PCDHA2: variants seen among roughly 807,000 people sequenced by gnomAD.
The protein encoded by PCDHA2 is protocadherin alpha 2.
In PCDHA2, 58 loss-of-function variants were observed where a neutral mutation model predicts 66.0. That is an observed-to-expected ratio of 0.88 (90% CI 0.71 to 1.09). The LOEUF is 1.09. Ranked by LOEUF, PCDHA2 falls within the 50% of genes least tolerant of loss-of-function variation. The pLI is 0.00. For missense variants in PCDHA2, 1,267 were observed against 1,242.3 expected, an observed-to-expected ratio of 1.02 and a Z score of -0.30; for synonymous variants, 634 against 554.0, an observed-to-expected ratio of 1.14 and a Z score of -2.03.
intron 1 of PCDHA2, chr5:140,843,825 C>T: frequency 8.4e-7 from 1 of 1,188,044 alleles, no homozygotes; most frequent in Non-Finnish European, 1.2e-6. Flanking sequence ...AAAATTTAAA[C>T]ATTGTTTAGT....
chr5:140,869,973 C>G, intron 1 of PCDHA2: 2 of 1,613,100 alleles, frequency 1.2e-6, no homozygotes, highest in African/African-American at 1.3e-5. Flanking sequence ...ATGGAAGACA[C>G]TTATTTACAC....
intron 1 of PCDHA2, among the ~76,000 whole-genome samples, chr5:140,950,613 A>G (rs980395914): frequency 3.3e-5 from 5 of 152,064 alleles, no homozygotes; most frequent in African/African-American, 1.2e-4. Context: ...TGATGTGCTT[A>G]TTTATGCTTT....
intron 1 of PCDHA2, chr5:140,849,802 G>A (rs2041146387): frequency 6.3e-7 from 1 of 1,598,478 alleles, no homozygotes; most frequent in Non-Finnish European, 8.6e-7. Flanking sequence ...CCTTCACTGT[G>A]GGCCACGGCC....
chr5:140,899,407 T>C (rs1183210224), intron 1 of PCDHA2, among the ~76,000 whole-genome samples: 2 of 152,226 alleles, frequency 1.3e-5, no homozygotes, highest in Non-Finnish European at 2.9e-5. Context: ...TGAAGGGTTG[T>C]TGAATTTTGT....
intron 1 of PCDHA2, chr5:140,802,487 G>C: frequency 1.2e-6 from 2 of 1,614,168 alleles, no homozygotes; most frequent in South Asian, 2.2e-5. Context: ...CTCGGGACGG[G>C]GGCTCGCCTT....
At chr5:140,909,045 G>A (rs1407145935) in intron 1 of PCDHA2, among the ~76,000 whole-genome samples, 1 of 152,112 alleles carries the variant, frequency 6.6e-6, no homozygotes, top group African/African-American at 2.4e-5. Flanking sequence ...TCCATACTCT[G>A]GCATGCAAAT....
At chr5:140,831,505 C>A (rs1412107675) in intron 1 of PCDHA2, among the ~76,000 whole-genome samples, 1 of 140,118 alleles carries the variant, frequency 7.1e-6, no homozygotes. Flanking sequence ...ACACGAGCAC[C>A]ACCATGCCCC....
At chr5:140,969,436 A>G (rs1289383219) in intron 1 of PCDHA2, 2 of 1,549,954 alleles carry the variant, frequency 1.3e-6, no homozygotes, top group Non-Finnish European at 1.7e-6. Flanking sequence ...GACAAGAGTT[A>G]TCTGGTAAAC....
intron 1 of PCDHA2, among the ~76,000 whole-genome samples, chr5:140,914,475 T>A (rs1473439533): frequency 6.6e-6 from 1 of 152,204 alleles, no homozygotes; most frequent in Non-Finnish European, 1.5e-5. Context: ...TCTTCATAGG[T>A]GAAGTGTTTC....
intron 1 of PCDHA2, among the ~76,000 whole-genome samples, chr5:140,899,002 G>T (rs1265936919): frequency 7.2e-4 from 110 of 151,880 alleles, no homozygotes; most frequent in African/African-American, 2.6e-3. Context: ...GTCTGTTATT[G>T]GTGTATAAGA....
At chr5:140,813,278 A>G (rs1241889350) in intron 1 of PCDHA2, 1 of 152,206 alleles carries the variant, frequency 6.6e-6, no homozygotes, top group African/African-American at 2.4e-5. Flanking sequence ...ACATTCTGAG[A>G]ATTGTATCAT....
rs1339905163 is a variant in PCDHA2, at chr5:140,796,482, C to T, written c.1518C>T (p.Ser506=). 8 of 1,612,186 alleles carry T rather than the reference C, an allele frequency of 5.0e-6. No homozygotes were observed. The highest frequency in any genetic ancestry group is 1.1e-5 in the South Asian group (1 of 91,004). Residue 506 remains serine, a synonymous_variant, in exon 1 of 4, where the codon AGC becomes AGT. Coordinates refer to ENST00000526136, the MANE Select transcript of PCDHA2 (RefSeq NM_018905.3). ...GGGTGGGCGAGCGCGCGTTGTCGAG[C>T]TACGTTTCGGTGCACGCGGAGAGCG... ...ERRVGERALS[S]YVSVHAESGK...
intron 1 of PCDHA2, chr5:140,824,238 T>G: frequency 1.3e-6 from 2 of 1,505,084 alleles, no homozygotes; most frequent in African/African-American, 1.4e-5. Flanking sequence ...ACACAAATAT[T>G]GTGGTACACA....
chr5:140,932,637 T>G (rs1554209011), intron 1 of PCDHA2, among the ~76,000 whole-genome samples: 2 of 151,870 alleles, frequency 1.3e-5, no homozygotes, highest in Non-Finnish European at 3.0e-5. Flanking sequence ...TAAAAAACTT[T>G]AGAATGATGA....
chr5:140,973,782 C>T lies in PCDHA2; in HGVS notation c.2389-5167C>T, dbSNP rs533593200. ...CACAGCCTGGCATATTATAGGTTGCCTATTGGCATGCTGTCTACTTGACAG... is the reference window on the plus strand; with the variant it reads ...CACAGCCTGGCATATTATAGGTTGCTTATTGGCATGCTGTCTACTTGACAG... On this transcript the variant is annotated intron_variant, in intron 1 of 3. Transcript: ENST00000526136. 1.5e-3 allele frequency among the ~76,000 whole-genome samples: 225 copies of T among 152,326 alleles called. 1 individual carries two copies. Among genetic ancestry groups the T allele is most frequent in the African/African-American group, 5.2e-3 (216 of 41,582 alleles).
chr5:141,000,417 A>ATTT (rs1563652061), intron 3 of PCDHA2, among the ~76,000 whole-genome samples: 30 of 77,716 alleles, frequency 3.9e-4, no homozygotes, highest in South Asian at 4.7e-4. Flanking sequence ...ATATATATAT[A>ATTT]TATATTTTTT....
intron 1 of PCDHA2, chr5:140,802,951 T>C (rs782235300): frequency 2.5e-5 from 40 of 1,613,774 alleles, no homozygotes; most frequent in Non-Finnish European, 3.2e-5. Flanking sequence ...CCGCGGTCAG[T>C]GGGTGCGGGC....
At chr5:140,885,577 A>G (rs1554182197) in intron 1 of PCDHA2, among the ~76,000 whole-genome samples, 1 of 152,172 alleles carries the variant, frequency 6.6e-6, no homozygotes, top group African/African-American at 2.4e-5. Context: ...TCAGATGTGG[A>G]ATTGATGCAT....
chr5:140,892,509 A>G (rs2063553980), intron 1 of PCDHA2, among the ~76,000 whole-genome samples: 1 of 152,220 alleles, frequency 6.6e-6, no homozygotes, highest in Admixed American at 6.5e-5. Context: ...AAGAAGTTCC[A>G]CCATGACTGG....
Sources: gnomAD v4.1 joint callset for allele counts (sites outside exome capture counted in the v4.1 genomes callset) on GRCh38, gnomAD v4.1.1 for gene constraint, MANE v1.5 for transcripts, NCBI Gene and HGNC (gene_info 2026-07-23, HGNC 2026-07-21) for gene names.